The following SGCZ variants were observed in gnomAD, a reference collection of about 807,000 sequenced individuals.
SGCZ encodes the protein sarcoglycan zeta, also known as zeta-sarcoglycan.
In SGCZ, 40 loss-of-function variants were observed where a neutral mutation model predicts 41.3. The observed-to-expected ratio is 0.97, with a 90% CI of 0.75 to 1.26. The LOEUF (loss-of-function observed/expected upper bound fraction) is 1.26. SGCZ is among the 50% of genes most tolerant of loss of function. The probability of loss-of-function intolerance (pLI) is 0.00; values close to 1 mark genes in which losing one functional copy is unlikely to be tolerated. For missense variants in SGCZ, 552 were observed against 369.8 expected, an observed-to-expected ratio of 1.49 and a Z score of -4.04; for synonymous variants, 206 against 137.5, an observed-to-expected ratio of 1.50 and a Z score of -3.49.
chr8:15,037,919 G>C (rs141198547), intron 1 of SGCZ, among the ~76,000 whole-genome samples: 2,992 of 151,844 alleles, frequency 0.02, 98 homozygotes, highest in African/African-American at 0.068. Flanking sequence ...TAAGAGAGAA[G>C]TGTATACTGA....
intron 1 of SGCZ, among the ~76,000 whole-genome samples, chr8:14,736,657 C>G (rs1424990024): frequency 6.6e-6 from 1 of 152,004 alleles, no homozygotes; most frequent in African/African-American, 2.4e-5. Context: ...TCCCCAGAGT[C>G]CATTGTGTCA....
At chr8:14,706,283 TTAAAC>T (rs1372706415) in intron 1 of SGCZ, among the ~76,000 whole-genome samples, 1 of 152,050 alleles carries the variant, frequency 6.6e-6, no homozygotes, top group Non-Finnish European at 1.5e-5. Flanking sequence ...TTCACGCTCT[TTAAAC>T]TAATCAAATT....
intron 2 of SGCZ, among the ~76,000 whole-genome samples, chr8:14,540,035 T>C (rs1803412041): frequency 1.3e-5 from 2 of 151,986 alleles, no homozygotes; most frequent in East Asian, 3.9e-4. Flanking sequence ...GCCTATAAAA[T>C]AAACTATGAA....
intron 1 of SGCZ, among the ~76,000 whole-genome samples, chr8:14,908,105 G>C (rs1386212030): frequency 1.3e-5 from 2 of 152,068 alleles, no homozygotes; most frequent in African/African-American, 4.8e-5. Context: ...CATATCTAAA[G>C]TCAGGGCAAA....
At chr8:15,136,804 G>T (rs1284846442) in intron 1 of SGCZ, among the ~76,000 whole-genome samples, 1 of 152,064 alleles carries the variant, frequency 6.6e-6, no homozygotes, top group Non-Finnish European at 1.5e-5. Flanking sequence ...CCAGTCTCAG[G>T]TATTCTTTCA....
chr8:15,061,693 A>G (rs1216453641), intron 1 of SGCZ, among the ~76,000 whole-genome samples: 1 of 152,086 alleles, frequency 6.6e-6, no homozygotes, highest in Middle Eastern at 3.2e-3. Flanking sequence ...CTGCCATGTG[A>G]GGACAGAGGA....
chr8:14,949,899 AGTTAAG>A (rs1192576110), intron 1 of SGCZ, among the ~76,000 whole-genome samples: 1 of 152,112 alleles, frequency 6.6e-6, no homozygotes, highest in Non-Finnish European at 1.5e-5. Flanking sequence ...AAAGATCGGA[AGTTAAG>A]GTAATTCATG....
At chr8:14,846,345 A>G (rs1803099304) in intron 1 of SGCZ, among the ~76,000 whole-genome samples, 1 of 152,110 alleles carries the variant, frequency 6.6e-6, no homozygotes, top group Non-Finnish European at 1.5e-5. Flanking sequence ...AGAAAAATCA[A>G]TGGAATTGGA....
intron 4 of SGCZ, among the ~76,000 whole-genome samples, chr8:14,237,005 ATATT>A (rs1172163340): frequency 1.3e-5 from 2 of 152,106 alleles, no homozygotes; most frequent in African/African-American, 2.4e-5. Context: ...ATAAATGTTA[ATATT>A]TATTATACTC....
At chr8:15,070,761 T>C (rs1805321014) in intron 1 of SGCZ, among the ~76,000 whole-genome samples, 1 of 152,198 alleles carries the variant, frequency 6.6e-6, no homozygotes, top group Non-Finnish European at 1.5e-5. Flanking sequence ...ACAAACAGGA[T>C]ATAGTCTTCT....
At chr8:14,541,463 G>T (rs1361949902) in intron 2 of SGCZ, among the ~76,000 whole-genome samples, 1 of 152,074 alleles carries the variant, frequency 6.6e-6, no homozygotes, top group African/African-American at 2.4e-5. Flanking sequence ...TCCCCGCAAA[G>T]GACATGAACT....
intron 3 of SGCZ, among the ~76,000 whole-genome samples, chr8:14,317,186 G>T (rs1304803123): frequency 6.6e-6 from 1 of 151,862 alleles, no homozygotes; most frequent in Admixed American, 6.6e-5. Context: ...TGTTTGGCTG[G>T]GAATAAAAAT....
At chr8:14,397,431 C>CT (rs996279074) in intron 2 of SGCZ, among the ~76,000 whole-genome samples, 5 of 140,672 alleles carry the variant, frequency 3.6e-5, no homozygotes, top group Admixed American at 3.4e-4. Context: ...GGCATAATTT[C>CT]TTTTTTTCTA....
intron 2 of SGCZ, among the ~76,000 whole-genome samples, chr8:14,546,216 G>T (rs75166602): frequency 0.05 from 7,595 of 152,206 alleles, 605 homozygotes; most frequent in African/African-American, 0.17. Context: ...GTGCTCGCAG[G>T]CAGAGCTGTA....
chr8:14,144,259 T>C (rs1585175137), intron 5 of SGCZ, among the ~76,000 whole-genome samples: 4 of 152,252 alleles, frequency 2.6e-5, no homozygotes, highest in Admixed American at 2.0e-4. Context: ...GGAAAGTGGA[T>C]ACTTTGGACA....
chr8:14,538,648 T>G (rs996664045), intron 2 of SGCZ, among the ~76,000 whole-genome samples: 53 of 152,112 alleles, frequency 3.5e-4, no homozygotes, highest in African/African-American at 1.2e-3. Context: ...ATAAGGCCTT[T>G]CTTGTAAAAG....
chr8:14,806,646 A>T (rs1157061517), intron 1 of SGCZ, among the ~76,000 whole-genome samples: 1 of 152,056 alleles, frequency 6.6e-6, no homozygotes, highest in Non-Finnish European at 1.5e-5. Context: ...GAATTCTACC[A>T]GAGGTACAAG....
intron 3 of SGCZ, among the ~76,000 whole-genome samples, chr8:14,320,325 C>G (rs1054845662): frequency 6.6e-6 from 1 of 151,552 alleles, no homozygotes; most frequent in African/African-American, 2.4e-5. Flanking sequence ...CTAAATAGAC[C>G]AGATTTGCCG....
At chr8:14,939,194 C>G (rs1041338521) in intron 1 of SGCZ, among the ~76,000 whole-genome samples, 2 of 152,088 alleles carry the variant, frequency 1.3e-5, no homozygotes, top group Admixed American at 1.3e-4. Context: ...AACACTAACA[C>G]TCAAAGATAG....
Sources: gnomAD v4.1 joint callset for allele counts (sites outside exome capture counted in the v4.1 genomes callset) on GRCh38, gnomAD v4.1.1 for gene constraint, MANE v1.5 for transcripts, NCBI Gene and HGNC (gene_info 2026-07-23, HGNC 2026-07-21) for gene names.